The following HEPHL1 variants were observed in gnomAD, a reference collection of about 807,000 sequenced individuals.
HEPHL1 encodes the protein hephaestin like 1.
Under a neutral mutation model 122.0 loss-of-function variants are expected in HEPHL1, and 123 were observed. That is an observed-to-expected ratio of 1.01 (90% CI 0.87 to 1.17). HEPHL1 has a LOEUF of 1.17. Among genes scored for constraint, HEPHL1 ranks in the 50% most tolerant of loss-of-function variants. HEPHL1 has a pLI of 0.00. For missense variants in HEPHL1, 1,452 were observed against 1,430.5 expected, an observed-to-expected ratio of 1.01 and a Z score of -0.24; for synonymous variants, 527 against 508.9, an observed-to-expected ratio of 1.04 and a Z score of -0.48.
intron 1 of HEPHL1, among the ~76,000 whole-genome samples, chr11:94,028,941 C>A (rs1370256655): frequency 8.2e-6 from 1 of 122,210 alleles, no homozygotes; most frequent in East Asian, 2.3e-4. Flanking sequence ...CTAAAACAAA[C>A]TACTTTCTCT....
At chr11:94,031,171 C>A (rs1239795052) in intron 1 of HEPHL1, among the ~76,000 whole-genome samples, 1 of 151,966 alleles carries the variant, frequency 6.6e-6, no homozygotes, top group African/African-American at 2.4e-5. Context: ...AGAGTAACCG[C>A]CCCTCCCCCT....
Position 94,086,099 on chromosome 11 carries a change from A to T in HEPHL1, c.1990A>T (p.Asn664Tyr). ...TDMHGIVFQG[N>Y]TIHLRGTHRD... ...CATGCATGGAATTGTTTTTCAAGGG[A>T]ACACCATCCACCTACGAGGGACTCA... The change falls in exon 11 of 20, where the codon AAC (asparagine) becomes TAC (tyrosine). Residue 664 changes from asparagine to tyrosine, a missense_variant. Asn to Tyr is a moderately radical substitution (Grantham distance 143, BLOSUM62 -2). Coordinates refer to ENST00000315765, the MANE Select transcript of HEPHL1 (RefSeq NM_001098672.2). 6.2e-7 allele frequency: 1 copy of T among 1,613,448 alleles called. No individual in the cohort carries two copies. The highest frequency in any genetic ancestry group is 8.5e-7 in the Non-Finnish European group (1 of 1,179,768).
At chr11:94,060,076 A>T (rs1945971868) in intron 2 of HEPHL1, among the ~76,000 whole-genome samples, 1 of 143,342 alleles carries the variant, frequency 7.0e-6, no homozygotes, top group Non-Finnish European at 1.5e-5. Flanking sequence ...AGGTAATACC[A>T]CTCAGTCATA....
chr11:94,098,833 G>A (rs1292339922), intron 13 of HEPHL1, among the ~76,000 whole-genome samples: 1 of 152,132 alleles, frequency 6.6e-6, no homozygotes, highest in Non-Finnish European at 1.5e-5. Flanking sequence ...CATTCATTAT[G>A]TAGTTCTCGT....
At position 94,088,794 on chromosome 11, in the gene HEPHL1, C is replaced by T. The variant is rs1946239054; in HGVS notation, c.2120C>T (p.Ser707Leu). Residue 707 changes from serine (S) to leucine (L), a missense_variant, in exon 12 of 20, where the codon TCG becomes TTG. Ser to Leu is a moderately radical substitution (Grantham distance 145, BLOSUM62 -2). Transcript: ENST00000315765. ...RVFCATMPHLSRGMGQIYEVS... is the reference protein window; with the variant it reads ...RVFCATMPHLLRGMGQIYEVS... ...TTTTGTGCCACCATGCCCCACCTCTCGAGAGGCATGGGTCAGATCTATGAG... is the reference window on the plus strand; with the variant it reads ...TTTTGTGCCACCATGCCCCACCTCTTGAGAGGCATGGGTCAGATCTATGAG... The T allele has an allele frequency of 1.9e-6, 3 of 1,613,942 alleles. No homozygotes were observed. Among genetic ancestry groups the T allele is most frequent in the Middle Eastern group, 1.7e-4 (1 of 6,054 alleles).
Position 94,021,354 on chromosome 11 carries a change from G to C in HEPHL1, c.-15G>C. ...CCCTGTGCAGGCTGCCTGCCTGCTT[G>C]AGTTACATCCACAAATGCCTCGGAA... On this transcript the variant is annotated 5_prime_UTR_variant, in exon 1 of 20. Transcript: ENST00000315765. 6.2e-7 allele frequency: 1 copy of C among 1,605,526 alleles called. No individual in the cohort carries two copies. Among genetic ancestry groups the C allele is most frequent in the Non-Finnish European group, 8.5e-7 (1 of 1,175,204 alleles).
intron 2 of HEPHL1, among the ~76,000 whole-genome samples, chr11:94,060,555 T>C (rs1775991371): frequency 6.6e-6 from 1 of 152,126 alleles, no homozygotes; most frequent in Non-Finnish European, 1.5e-5. Flanking sequence ...GATAAGAAGC[T>C]AAGAGTCATA....
At chr11:94,093,681 A>G (rs1462837981) in intron 13 of HEPHL1, 41 bp downstream of exon 13, 2 of 1,597,548 alleles carry the variant, frequency 1.3e-6, no homozygotes, top group Admixed American at 1.8e-5. Flanking sequence ...AGCCCCAAGC[A>G]TGTGCATGCA....
At position 94,111,917 on chromosome 11, in the gene HEPHL1, G is replaced by C; in HGVS notation, c.*23G>C. 8 of 1,485,496 alleles carry C rather than the reference G, an allele frequency of 5.4e-6. No individual in the cohort carries two copies. Among genetic ancestry groups the C allele is most frequent in the Non-Finnish European group, 6.3e-6 (7 of 1,115,314 alleles). 92.0% of individuals were successfully genotyped at this position (1,485,496 alleles called of 1,614,324 possible). Reference sequence around the variant, plus strand: ...TGAACCATCTGGTCTCCCTCAACAGGAAAGGGTGATGTCCCACAGCTGGCC... The same window carrying C: ...TGAACCATCTGGTCTCCCTCAACAGCAAAGGGTGATGTCCCACAGCTGGCC... On this transcript the variant is annotated 3_prime_UTR_variant, in exon 20 of 20. Coordinates refer to ENST00000315765, the MANE Select transcript of HEPHL1 (RefSeq NM_001098672.2).
At chr11:94,061,784 T>C (rs139766593) in intron 2 of HEPHL1, among the ~76,000 whole-genome samples, 2 of 152,290 alleles carry the variant, frequency 1.3e-5, no homozygotes, top group East Asian at 3.9e-4. Flanking sequence ...TTGGAAAGCA[T>C]TCTTGAAAAC....
Position 94,070,511 on chromosome 11 carries a change from T to C in HEPHL1, c.1201T>C (p.Phe401Leu). ...TTATGCTCCTCAAGGCTATAACAAA[T>C]TCAGTGGTCTTCCTCTAAACGCCTC... ...WDYAPQGYNKFSGLPLNASGS... is the reference protein window; with the variant it reads ...WDYAPQGYNKLSGLPLNASGS... Residue 401 changes from phenylalanine to leucine, a missense_variant, in exon 6 of 20, where the codon TTC becomes CTC. Coordinates refer to ENST00000315765, the MANE Select transcript of HEPHL1 (RefSeq NM_001098672.2). 6.2e-7 allele frequency: 1 copy of C among 1,611,126 alleles called. No homozygotes were observed. The highest frequency in any genetic ancestry group is 1.7e-5 in the Admixed American group (1 of 59,670).
Position 94,073,048 on chromosome 11 carries a change from A to C in HEPHL1, c.1256A>C (p.Gln419Pro). The C allele has an allele frequency of 6.2e-7, 1 of 1,612,866 alleles. No individual in the cohort carries two copies. The highest frequency in any genetic ancestry group is 8.5e-7 in the Non-Finnish European group (1 of 1,179,176). Residue 419 changes from glutamine to proline, a missense_variant, in exon 7 of 20, where the codon CAA (glutamine) becomes CCA (proline). Physicochemically the swap from Gln to Pro is moderately conservative, Grantham distance 76. Transcript: ENST00000315765. ...AGTGACTCTGATCTCTACTTCACAC[A>C]AGGGGACAACAGAATAGGAGGAAAA... ...SGSDSDLYFT[Q>P]GDNRIGGKYW...
At position 94,075,272 on chromosome 11, in the gene HEPHL1, T is replaced by TG. The variant is rs761656702; in HGVS notation, c.1604dup (p.Cys535TrpfsTer11). The TG allele has an allele frequency of 1.3e-4, 211 of 1,613,442 alleles. No homozygotes were observed. Among genetic ancestry groups the TG allele is most frequent in the Middle Eastern group, 1.6e-4 (1 of 6,078 alleles). On this transcript the variant is annotated frameshift_variant, in exon 9 of 20. Coordinates refer to ENST00000315765, the MANE Select transcript of HEPHL1 (RefSeq NM_001098672.2). LOFTEE classifies it high-confidence loss of function. Reference sequence around the variant, plus strand: ...AAGCCCAACTGCTGGTGATCCTCCCTGTCTGACCTATCTTTACTTCTCAGC... The same window carrying TG: ...AAGCCCAACTGCTGGTGATCCTCCCTGGTCTGACCTATCTTTACTTCTCAGC...
Position 94,056,451 on chromosome 11 carries a change from T to C in HEPHL1, c.416-7057T>C, listed in dbSNP as rs541971251. On this transcript the variant is annotated intron_variant, in intron 2 of 19. Transcript: ENST00000315765. ...CTGGTCCTCTTTTACTGCCTTCTTT[T>C]GTGTTAAACAAATATTTCTTAGAAT... is the stretch of plus-strand genomic sequence containing the variant. Among the ~76,000 whole-genome samples the C allele has an allele frequency of 3.9e-5, 6 of 152,324 alleles. No individual in the cohort carries two copies. The East Asian group carries it at 1.2e-3, about 29-fold the overall frequency.
intron 17 of HEPHL1, among the ~76,000 whole-genome samples, chr11:94,106,663 G>GT (rs1315231330): frequency 6.6e-6 from 1 of 152,198 alleles, no homozygotes. Context: ...TCAGGTGAGA[G>GT]TTTTCTCATT....
chr11:94,106,267 C>A, intron 17 of HEPHL1, 137 bp downstream of exon 17: 1 of 576,424 alleles, frequency 1.7e-6, no homozygotes, highest in Non-Finnish European at 2.8e-6. Flanking sequence ...TGTGATTGTA[C>A]CGTTTCCCTG....
At chr11:94,032,920 C>T (rs1030623532) in intron 1 of HEPHL1, among the ~76,000 whole-genome samples, 7 of 152,174 alleles carry the variant, frequency 4.6e-5, no homozygotes, top group African/African-American at 1.4e-4. Context: ...GAATGCCTCA[C>T]GTGAGCATGC....
chr11:94,062,703 C>T (rs966787596), intron 2 of HEPHL1, among the ~76,000 whole-genome samples: 43 of 151,904 alleles, frequency 2.8e-4, no homozygotes, highest in Non-Finnish European at 5.6e-4. Flanking sequence ...TTAAATCTCA[C>T]CTCTGTTGTA....
At chr11:94,075,415 C>T in intron 9 of HEPHL1, 30 bp downstream of exon 9, 2 of 1,547,452 alleles carry the variant, frequency 1.3e-6, no homozygotes, top group Non-Finnish European at 1.8e-6. Flanking sequence ...CAGTTCTTCT[C>T]AGGGTTGTAT....
Sources: gnomAD v4.1 joint callset for allele counts (sites outside exome capture counted in the v4.1 genomes callset) on GRCh38, gnomAD v4.1.1 for gene constraint, MANE v1.5 for transcripts, NCBI Gene and HGNC (gene_info 2026-07-23, HGNC 2026-07-21) for gene names.